Variants in AVEN observed in about 807,000 individuals in gnomAD.
The protein encoded by AVEN is cell death regulator Aven.
Under a neutral mutation model 38.1 loss-of-function variants are expected in AVEN, and 41 were observed. That is an observed-to-expected ratio of 1.08 (90% CI 0.84 to 1.40). AVEN has a LOEUF of 1.40. Ranked by LOEUF, AVEN falls within the 40% of genes most tolerant of loss-of-function variation. AVEN has a pLI of 0.00. For missense variants in AVEN, 605 were observed against 438.8 expected (o/e 1.38, Z -3.38); for synonymous variants, 206 against 171.8 (o/e 1.20, Z -1.56).
chr15:34,004,350 A>T (rs1482744214), intron 1 of AVEN, among the ~76,000 whole-genome samples: 1 of 152,228 alleles, frequency 6.6e-6, no homozygotes, highest in East Asian at 1.9e-4. Flanking sequence ...TAAGGAACCC[A>T]GTTTCTTCAA....
chr15:33,904,443 C>T (rs138289606), intron 2 of AVEN, among the ~76,000 whole-genome samples: 2,357 of 152,162 alleles, frequency 0.015, 59 homozygotes, highest in African/African-American at 0.054. Flanking sequence ...CAGAGTTTTG[C>T]TCTTGTCGCC....
intron 2 of AVEN, among the ~76,000 whole-genome samples, chr15:33,947,191 C>T (rs1394548795): frequency 6.6e-6 from 1 of 152,206 alleles, no homozygotes; most frequent in Non-Finnish European, 1.5e-5. Context: ...CCTTTCCCAT[C>T]TAACTCTGGG....
intron 2 of AVEN, among the ~76,000 whole-genome samples, chr15:33,887,378 C>G (rs1204331106): frequency 6.6e-6 from 1 of 152,134 alleles, no homozygotes; most frequent in Non-Finnish European, 1.5e-5. Flanking sequence ...GACAATGTGC[C>G]TTTCAACATT....
intron 1 of AVEN, among the ~76,000 whole-genome samples, chr15:34,029,821 A>G (rs1250842297): frequency 6.6e-6 from 1 of 152,216 alleles, no homozygotes; most frequent in African/African-American, 2.4e-5. Flanking sequence ...CTAATCTTCA[A>G]TTAGCCCAAA....
At chr15:33,858,833 T>C (rs2080011741) in exon 12 of AVEN, 1 of 152,218 alleles carries the variant, frequency 6.6e-6, no homozygotes, top group African/African-American at 2.4e-5. Context: ...GACAGTGAAA[T>C]GCCCAGTCTG....
At chr15:34,049,327 G>A (rs1036561411) in intron 5 of AVEN, among the ~76,000 whole-genome samples, 3 of 152,192 alleles carry the variant, frequency 2.0e-5, no homozygotes, top group African/African-American at 7.2e-5. Context: ...TGCAGGAGCT[G>A]ACAGCCAGAG....
chr15:33,936,581 T>C (rs1894066851), intron 2 of AVEN, among the ~76,000 whole-genome samples: 1 of 152,174 alleles, frequency 6.6e-6, no homozygotes, highest in Non-Finnish European at 1.5e-5. Context: ...TTCATAACAA[T>C]GTAAATACAA....
chr15:33,855,632 TATTTCTGATATCTGCATCCAATTAA>T, downstream of AVEN, among the ~76,000 whole-genome samples: 2 of 3,964 alleles, frequency 5.0e-4, no homozygotes, highest in South Asian at 0.021. Context: ...TAAGAGCCAA[TATTTCTGATATCTGCATCCAATTAA>T]GAGCCAATGA....
chr15:34,048,346 A>T (rs1899800570), intron 5 of AVEN, among the ~76,000 whole-genome samples: 1 of 151,878 alleles, frequency 6.6e-6, no homozygotes, highest in African/African-American at 2.4e-5. Context: ...TGGTTGACTC[A>T]GCTGTTCCAG....
Position 34,073,986 on chromosome 15 carries a change from C to CTTTTTTTTTTTTTTTTTTTTTTTTTTTTT in AVEN, n.720+449_720+450insAAAAAAAAAAAAAAAAAAAAAAAAAAAAA, listed in dbSNP as rs1381411256. ...TGGAGGAACTTTCTTTTTTCTTCTT[C>CTTTTTTTTTTTTTTTTTTTTTTTTTTTTT]TTCTTTTTTTTTTTTTTTTTTTTTT... On this transcript the variant is annotated intron_variant and non_coding_transcript_variant, in intron 1 of 11. Transcript: ENST00000675287. 4.5e-5 allele frequency among the ~76,000 whole-genome samples: 5 copies of CTTTTTTTTTTTTTTTTTTTTTTTTTTTTT among 112,246 alleles called. 1 individual carries two copies. Among genetic ancestry groups the CTTTTTTTTTTTTTTTTTTTTTTTTTTTTT allele is most frequent in the African/African-American group, 2.1e-4 (5 of 24,270 alleles). The allele number at this position is 112,246 out of a possible 152,430, so 73.6% of individuals were successfully genotyped here.
chr15:33,881,819 G>C (rs980496771), intron 2 of AVEN, among the ~76,000 whole-genome samples: 4 of 152,268 alleles, frequency 2.6e-5, no homozygotes, highest in Middle Eastern at 3.4e-3. Flanking sequence ...AGCTTTATTT[G>C]TTTGCCAGAA....
chr15:33,867,370 G>A, intron 5 of AVEN, 125 bp downstream of exon 5: 1 of 1,314,570 alleles, frequency 7.6e-7, no homozygotes, highest in East Asian at 2.4e-5. Flanking sequence ...AGAAATAGAT[G>A]TCAGTGGACA....
At chr15:33,933,524 C>CAGAGAG (rs3086294) in intron 2 of AVEN, among the ~76,000 whole-genome samples, 7 of 46,646 alleles carry the variant, frequency 1.5e-4, no homozygotes, top group South Asian at 1.1e-3. Context: ...CACACACACA[C>CAGAGAG]AGAGAGAGAG....
chr15:33,925,139 G>A (rs1355104638), intron 2 of AVEN, among the ~76,000 whole-genome samples: 1 of 152,088 alleles, frequency 6.6e-6, no homozygotes, highest in Admixed American at 6.5e-5. Context: ...TTATTATAAA[G>A]CAACTTGATG....
chr15:34,015,345 C>CAT (rs1567468116), intron 1 of AVEN, among the ~76,000 whole-genome samples: 4 of 151,792 alleles, frequency 2.6e-5, no homozygotes, highest in Non-Finnish European at 4.4e-5. Context: ...TAGCCAGGTG[C>CAT]GGTGGCGGGC....
intron 11 of AVEN, among the ~76,000 whole-genome samples, chr15:33,860,051 A>G (rs963670016): frequency 1.3e-5 from 2 of 152,092 alleles, no homozygotes; most frequent in Middle Eastern, 3.2e-3. Flanking sequence ...TTTTCTTCCC[A>G]GAGAGGGAGG....
At chr15:33,919,470 T>C (rs1485061379) in intron 2 of AVEN, among the ~76,000 whole-genome samples, 5 of 152,176 alleles carry the variant, frequency 3.3e-5, no homozygotes, top group African/African-American at 9.7e-5. Context: ...AAAGTAGAAA[T>C]GCCCAGGTTC....
chr15:33,949,045 C>T lies in AVEN; in HGVS notation c.445+53987G>A, dbSNP rs559385817. Among the ~76,000 whole-genome samples, 523 of 151,784 alleles carry T rather than the reference C, an allele frequency of 3.4e-3. 2 individuals carry two copies. The highest frequency in any genetic ancestry group is 4.9e-3 in the Non-Finnish European group (332 of 67,944). ...ACAAACAGTTCTTCTTTTTTTGAGA[C>T]GGAGTTTTGCCCTTGTTGCCCAGGC... On this transcript the variant is annotated intron_variant, in intron 2 of 5. Transcript: ENST00000306730.
intron 11 of AVEN, chr15:33,860,936 G>A (rs1887971484): frequency 3.4e-6 from 2 of 593,844 alleles, no homozygotes; most frequent in African/African-American, 2.4e-5. Context: ...GCCAATGTAT[G>A]GCACTACTGA....
Sources: allele counts gnomAD v4.1 joint callset (sites outside exome capture counted in the v4.1 genomes callset), GRCh38; gene constraint gnomAD v4.1.1; transcripts MANE v1.5; gene names NCBI Gene and HGNC (gene_info 2026-07-23, HGNC 2026-07-21).